PLXNA4: variants seen among roughly 807,000 people sequenced by gnomAD.
The protein encoded by PLXNA4 is plexin A4.
Under a neutral mutation model 191.8 loss-of-function variants are expected in PLXNA4, and 44 were observed. The observed-to-expected ratio is 0.23, with a 90% CI of 0.18 to 0.29. The LOEUF is 0.29. Ranked by LOEUF, PLXNA4 falls within the 10% of genes least tolerant of loss-of-function variation. PLXNA4 has a pLI of 1.00. For missense variants in PLXNA4, 1,800 were observed against 2,488.8 expected (o/e 0.72, Z 5.89); for synonymous variants, 1,082 against 1,009.5 (o/e 1.07, Z -1.36).
chr7:132,143,797 A>G (rs1795338764), intron 29 of PLXNA4, among the ~76,000 whole-genome samples: 1 of 152,164 alleles, frequency 6.6e-6, no homozygotes, highest in South Asian at 2.1e-4. Flanking sequence ...AGCAATCTAG[A>G]TTTTTGAGTC....
At chr7:132,240,928 G>A (rs946300305) in intron 5 of PLXNA4, 138 bp downstream of exon 5, 12 of 576,808 alleles carry the variant, frequency 2.1e-5, no homozygotes, top group Middle Eastern at 4.0e-4. Flanking sequence ...CATTTGGAAA[G>A]GATGCAAGGA....
At position 132,372,656 on chromosome 7, in the gene PLXNA4, G is replaced by C. The variant is rs995138737; in HGVS notation, c.1372-74434C>G. On this transcript the variant is annotated intron_variant, in intron 3 of 31. Transcript: ENST00000321063. Reference sequence around the variant, plus strand: ...CACTGGAAACCAGCATGATGCATTAGAGAGATGAAGCCTTTTAGAATCAAA... The same window carrying C: ...CACTGGAAACCAGCATGATGCATTACAGAGATGAAGCCTTTTAGAATCAAA... 2.6e-5 allele frequency among the ~76,000 whole-genome samples: 4 copies of C among 152,300 alleles called. No homozygotes were observed. The South Asian group carries it at 6.2e-4, about 24-fold the overall frequency.
At chr7:132,213,677 G>T (rs532174323) in intron 9 of PLXNA4, among the ~76,000 whole-genome samples, 1 of 152,154 alleles carries the variant, frequency 6.6e-6, no homozygotes. Context: ...TTGGCAGCTC[G>T]AGGAGAGCAG....
At chr7:132,285,098 C>T (rs1800635246) in intron 4 of PLXNA4, among the ~76,000 whole-genome samples, 1 of 152,150 alleles carries the variant, frequency 6.6e-6, no homozygotes, top group African/African-American at 2.4e-5. Context: ...AAAGCTAAGC[C>T]TCATTGAGTT....
chr7:132,500,255 C>G (rs1798191175), intron 2 of PLXNA4, among the ~76,000 whole-genome samples: 1 of 152,054 alleles, frequency 6.6e-6, no homozygotes. Flanking sequence ...CCAGCTTGGC[C>G]AGCGTGATGA....
intron 23 of PLXNA4, 78 bp downstream of exon 23, chr7:132,165,056 G>A (rs1471585232): frequency 3.2e-6 from 5 of 1,553,560 alleles, no homozygotes; most frequent in Non-Finnish European, 4.4e-6. Context: ...GGAGGACTCG[G>A]GGGTGTGGAG....
intron 25 of PLXNA4, among the ~76,000 whole-genome samples, chr7:132,150,432 C>T (rs567158825): frequency 1.7e-4 from 26 of 152,230 alleles, no homozygotes; most frequent in African/African-American, 5.1e-4. Flanking sequence ...GGGGAGTATA[C>T]GGCAGTGAGC....
intron 1 of PLXNA4, among the ~76,000 whole-genome samples, chr7:132,527,026 A>AC (rs1799426871): frequency 6.6e-6 from 1 of 152,042 alleles, no homozygotes; most frequent in African/African-American, 2.4e-5. Flanking sequence ...CACTTTTATC[A>AC]CCCCCAGGCC....
chr7:132,325,217 G>A (rs1202861690), intron 3 of PLXNA4, among the ~76,000 whole-genome samples: 1 of 152,156 alleles, frequency 6.6e-6, no homozygotes, highest in African/African-American at 2.4e-5. Context: ...CAGTTTCTCT[G>A]GACCTGGGGT....
intron 3 of PLXNA4, among the ~76,000 whole-genome samples, chr7:132,426,776 T>C (rs1262753917): frequency 6.6e-6 from 1 of 152,126 alleles, no homozygotes; most frequent in Non-Finnish European, 1.5e-5. Context: ...AAAAAAATCT[T>C]AGATATAATG....
intron 1 of PLXNA4, among the ~76,000 whole-genome samples, chr7:132,521,222 AG>A (rs1361193977): frequency 6.6e-6 from 1 of 151,694 alleles, no homozygotes; most frequent in Non-Finnish European, 1.5e-5. Context: ...ACGGCAACAA[AG>A]TTTTGGGGCC....
intron 2 of PLXNA4, among the ~76,000 whole-genome samples, chr7:132,617,018 G>A (rs143509378): frequency 2.4e-3 from 369 of 152,344 alleles, no homozygotes; most frequent in African/African-American, 8.5e-3. Context: ...GAAGCCTCAT[G>A]TTGGATGGTA....
At chr7:132,491,944 A>G (rs1797823935) in intron 2 of PLXNA4, among the ~76,000 whole-genome samples, 1 of 152,200 alleles carries the variant, frequency 6.6e-6, no homozygotes, top group Non-Finnish European at 1.5e-5. Context: ...GGATATGACC[A>G]TGGCAACCTG....
chr7:132,150,271 T>G (rs11773367), intron 25 of PLXNA4, among the ~76,000 whole-genome samples: 92,379 of 152,142 alleles, frequency 0.61, 33,537 homozygotes, highest in East Asian at 0.83. Flanking sequence ...TGTTGTTTTT[T>G]TCTTCAGTTT....
At chr7:132,177,044 T>C (rs1480499114) in intron 20 of PLXNA4, among the ~76,000 whole-genome samples, 1 of 150,990 alleles carries the variant, frequency 6.6e-6, no homozygotes, top group African/African-American at 2.4e-5. Flanking sequence ...TATATGTCAG[T>C]GTGTGTGTAC....
chr7:132,555,046 AAAAAAAAAAAC>A (rs1214612303), intron 1 of PLXNA4, among the ~76,000 whole-genome samples: 12 of 69,882 alleles, frequency 1.7e-4, no homozygotes, highest in African/African-American at 7.5e-4. Context: ...AACCTGAAGG[AAAAAAAAAAAC>A]AAAAAAAAAA....
chr7:132,159,930 A>G (rs186725985), intron 24 of PLXNA4, among the ~76,000 whole-genome samples: 19 of 152,346 alleles, frequency 1.2e-4, no homozygotes, highest in Non-Finnish European at 2.1e-4. Context: ...ACAATGCCCA[A>G]GCATGTGGAA....
At chr7:132,611,701 G>A (rs1381462493) in intron 2 of PLXNA4, among the ~76,000 whole-genome samples, 1 of 152,140 alleles carries the variant, frequency 6.6e-6, no homozygotes, top group African/African-American at 2.4e-5. Context: ...ATTTAGCAAG[G>A]GAGACCAGTA....
chr7:132,228,606 C>T (rs1798416034), intron 5 of PLXNA4, 137 bp from the exon 6 acceptor site: 1 of 1,145,530 alleles, frequency 8.7e-7, no homozygotes, highest in South Asian at 1.6e-5. Context: ...CTTTTTGTGT[C>T]CTTCCTCAAG....
Sources: allele counts gnomAD v4.1 joint callset (sites outside exome capture counted in the v4.1 genomes callset), GRCh38; gene constraint gnomAD v4.1.1; transcripts MANE v1.5; gene names NCBI Gene and HGNC (gene_info 2026-07-23, HGNC 2026-07-21).